SLC22A8: variants seen among roughly 807,000 people sequenced by gnomAD.
The protein encoded by SLC22A8 is organic anion transporter 3.
SLC22A8 carries 40 observed loss-of-function variants against 48.4 expected under a neutral mutation model. The observed-to-expected ratio is 0.83, with a 90% CI of 0.64 to 1.08. The LOEUF is 1.08. Among genes scored for constraint, SLC22A8 ranks in the 50% least tolerant of loss-of-function variants. The pLI is 0.00. For missense variants in SLC22A8, 606 were observed against 699.0 expected, an observed-to-expected ratio of 0.87 and a Z score of 1.50; for synonymous variants, 268 against 286.3, an observed-to-expected ratio of 0.94 and a Z score of 0.65.
intron 7 of SLC22A8, 127 bp downstream of exon 7, chr11:62,995,577 G>T: frequency 1.5e-6 from 1 of 687,528 alleles, no homozygotes; most frequent in Non-Finnish European, 2.6e-6. Context: ...GGGCTGTGGT[G>T]GCCCAGGAGA....
intron 2 of SLC22A8, among the ~76,000 whole-genome samples, chr11:63,001,654 C>T (rs1195276519): frequency 6.6e-6 from 1 of 152,180 alleles, no homozygotes; most frequent in Non-Finnish European, 1.5e-5. Flanking sequence ...CAGGGCTCTT[C>T]CTGAATCCTC....
At chr11:63,009,125 G>A (rs555338739) in intron 2 of SLC22A8, among the ~76,000 whole-genome samples, 15 of 152,166 alleles carry the variant, frequency 9.9e-5, no homozygotes, top group Non-Finnish European at 1.5e-4. Context: ...GGAAAGAGAT[G>A]GAGGAGGATG....
rs2086406673 is a variant in SLC22A8 at position 62,995,592 on chromosome 11, A to G, written c.1001+112T>C. 6.6e-6 allele frequency: 5 copies of G among 752,092 alleles called. No individual in the cohort carries two copies. The East Asian group carries it at 7.5e-5, about 11-fold the overall frequency. The allele number at this position is 752,092 out of a possible 1,614,324, so 46.6% of individuals were successfully genotyped here. A position where few individuals can be genotyped will look rare whatever the true frequency, so the allele number is the denominator to read the frequency against. On this transcript the variant is annotated intron_variant, in intron 7 of 10. Transcript: ENST00000336232. ...GGGCTGTGGTGGCCCAGGAGAGGGGATTCTCTGACTTCTCTTTCAGATGCC... is the reference window on the plus strand; with the variant it reads ...GGGCTGTGGTGGCCCAGGAGAGGGGGTTCTCTGACTTCTCTTTCAGATGCC...
Position 62,994,611 on chromosome 11 carries a change from G to A in SLC22A8, c.1147C>T (p.His383Tyr). ...AGCAGGGCAGCGGCCTGAGTGGTAT[G>A]CCGGCCCAGGTAGCTTAAGGAGAGG... ...TILSLSYLGR[H>Y]TTQAAALLLA... Residue 383 changes from histidine to tyrosine, a missense_variant, in exon 8 of 11, where the codon CAT (histidine) becomes TAT (tyrosine). Transcript: ENST00000336232. 5.6e-6 allele frequency: 9 copies of A among 1,614,106 alleles called. No individual in the cohort carries two copies. The highest frequency in any genetic ancestry group is 7.6e-6 in the Non-Finnish European group (9 of 1,179,996).
At position 62,999,838 on chromosome 11, in the gene SLC22A8, C is replaced by T; in HGVS notation, c.442G>A (p.Gly148Ser). 1 of 1,551,134 alleles carries T rather than the reference C, an allele frequency of 6.4e-7. No individual in the cohort carries two copies. The highest frequency in any genetic ancestry group is 8.7e-7 in the Non-Finnish European group (1 of 1,146,992). Residue 148 changes from glycine (G) to serine (S), a missense_variant, in exon 4 of 11, where the codon GGC becomes AGC. Coordinates refer to ENST00000336232, the MANE Select transcript of SLC22A8 (RefSeq NM_004254.4). ...LVLGDLSDRF[G>S]RRPILTCSYL... is the part of the protein sequence containing the mutation. ...CTGCAGGTCAGGATGGGCCTGCGGC[C>T]AAACCTGTAGCTCGAAGGAGAGGAG...
At chr11:62,995,161 T>C (rs2086400367) in intron 7 of SLC22A8, 1 of 297,326 alleles carries the variant, frequency 3.4e-6, no homozygotes, top group Non-Finnish European at 6.5e-6. Flanking sequence ...CTCTCTGAAC[T>C]GTGGGATCCC....
In SLC22A8 at chr11:63,014,990, G is replaced by T; in HGVS notation, c.-25-7C>A. ...GGGGCAAGACGAGCCAGAGCTGTGGGCAGGGCATAGGCCAGGGAGAGGTAT... is the reference window on the plus strand; with the variant it reads ...GGGGCAAGACGAGCCAGAGCTGTGGTCAGGGCATAGGCCAGGGAGAGGTAT... On this transcript the variant is annotated splice_region_variant and splice_polypyrimidine_tract_variant and intron_variant, in intron 1 of 10. Coordinates refer to ENST00000336232, the MANE Select transcript of SLC22A8 (RefSeq NM_004254.4). The T allele has an allele frequency of 6.6e-7, 1 of 1,517,942 alleles. No individual in the cohort carries two copies. The highest frequency in any genetic ancestry group is 8.9e-7 in the Non-Finnish European group (1 of 1,125,884). The allele number at this position is 1,517,942 out of a possible 1,614,324, so 94.0% of individuals were successfully genotyped here.
At chr11:63,006,894 A>G (rs1322165345) in intron 2 of SLC22A8, among the ~76,000 whole-genome samples, 1 of 151,854 alleles carries the variant, frequency 6.6e-6, no homozygotes, top group African/African-American at 2.4e-5. Flanking sequence ...GGCGTGAGCC[A>G]CCGCGCCCAG....
Position 63,011,126 on chromosome 11 carries a change from C to T in SLC22A8, c.333+3500G>A, listed in dbSNP as rs150067915. On this transcript the variant is annotated intron_variant, in intron 2 of 10. Coordinates refer to ENST00000336232, the MANE Select transcript of SLC22A8 (RefSeq NM_004254.4). Reference sequence around the variant, plus strand: ...GCAGCAGGGTGCACAGTCAGCCTCACGGATTGTGGGTTGGGGGTTGTGCAT... The same window carrying T: ...GCAGCAGGGTGCACAGTCAGCCTCATGGATTGTGGGTTGGGGGTTGTGCAT... 4.1e-3 allele frequency among the ~76,000 whole-genome samples: 621 copies of T among 152,296 alleles called. 6 individuals carry two copies. Among genetic ancestry groups the T allele is most frequent in the African/African-American group, 0.014 (599 of 41,578 alleles).
At chr11:63,001,530 C>G (rs1380115441) in intron 2 of SLC22A8, among the ~76,000 whole-genome samples, 1 of 152,194 alleles carries the variant, frequency 6.6e-6, no homozygotes, top group South Asian at 2.1e-4. Flanking sequence ...GCCTGGCTTG[C>G]CCTCTGGCAG....
At position 62,994,762 on chromosome 11, in the gene SLC22A8, A is replaced by G; in HGVS notation, c.1002-6T>C. 6.2e-7 allele frequency: 1 copy of G among 1,613,128 alleles called. No homozygotes were observed. Among genetic ancestry groups the G allele is most frequent in the Non-Finnish European group, 8.5e-7 (1 of 1,179,060 alleles). On this transcript the variant is annotated splice_polypyrimidine_tract_variant and splice_region_variant and intron_variant, in intron 7 of 10. Transcript: ENST00000336232. ...AGGCAAAACCGGTAGCAAACCTGAG[A>G]GGCAGAGAAGGATTGGTTAGCACCT...
At chr11:63,004,699 G>A (rs1399496001) in intron 2 of SLC22A8, among the ~76,000 whole-genome samples, 2 of 152,156 alleles carry the variant, frequency 1.3e-5, no homozygotes, top group Non-Finnish European at 2.9e-5. Flanking sequence ...TCTCTCCCAA[G>A]AATATCAGCC....
rs11568494 is a variant in SLC22A8 at position 63,014,908 on chromosome 11, C to T, written c.51G>A (p.Gln17=). The T allele has an allele frequency of 1.9e-6, 3 of 1,584,410 alleles. No individual in the cohort carries two copies. In the East Asian group the frequency reaches 6.7e-5, roughly 36 times the overall value. The change falls in exon 2 of 11, where the codon CAG becomes CAA. Residue 17 remains glutamine (Q), a synonymous_variant. Coordinates refer to ENST00000336232, the MANE Select transcript of SLC22A8 (RefSeq NM_004254.4). The part of the protein sequence containing the change: ...LDRVGSMGHF[Q]FLHVAILGLP... ...GGCCCAGTATGGCTACATGCAGGAA[C>T]TGGAAATGGCCCATGCTTCCCACAC... is the stretch of plus-strand genomic sequence containing the variant.
intron 8 of SLC22A8, chr11:62,994,113 T>C: frequency 1.7e-6 from 1 of 572,440 alleles, no homozygotes; most frequent in Non-Finnish European, 3.1e-6. Context: ...TGTCTTAAAA[T>C]ACCTCAAGTT....
rs1199150123 is a variant in SLC22A8 at position 62,995,438 on chromosome 11, T to A, written c.1001+266A>T. The A allele has an allele frequency of 7.7e-6, 4 of 519,540 alleles. No individual in the cohort carries two copies. The Admixed American group carries it at 1.4e-4, about 18-fold the overall frequency. The allele number at this position is 519,540 out of a possible 1,614,324, so 32.2% of individuals were successfully genotyped here. On this transcript the variant is annotated intron_variant, in intron 7 of 10. Coordinates refer to ENST00000336232, the MANE Select transcript of SLC22A8 (RefSeq NM_004254.4). ...GACACTGAGCGGCAGGGATGTGAGC[T>A]GGGGAAGGGGCCTGGAACATTTGTC...
At position 63,000,764 on chromosome 11, in the gene SLC22A8, T is replaced by C; in HGVS notation, c.393A>G (p.Ala131=). Residue 131 remains alanine, a synonymous_variant, in exon 3 of 11, where the codon GCA becomes GCG. Coordinates refer to ENST00000336232, the MANE Select transcript of SLC22A8 (RefSeq NM_004254.4). ...GCACGAGCCCTCCAATCAGTATACCTGCCATGAAGATAGACTGGGCCATCT... is the reference window on the plus strand; with the variant it reads ...GCACGAGCCCTCCAATCAGTATACCCGCCATGAAGATAGACTGGGCCATCT... ...LKEMAQSIFM[A]GILIGGLVLG... The C allele has an allele frequency of 6.2e-6, 10 of 1,614,072 alleles. No homozygotes were observed. Among genetic ancestry groups the C allele is most frequent in the Non-Finnish European group, 7.6e-6 (9 of 1,179,936 alleles).
At chr11:63,002,792 G>C (rs2086512084) in intron 2 of SLC22A8, among the ~76,000 whole-genome samples, 1 of 152,104 alleles carries the variant, frequency 6.6e-6, no homozygotes, top group South Asian at 2.1e-4. Flanking sequence ...AATGACAACT[G>C]ATATTTATTG....
Position 62,994,562 on chromosome 11 carries a change from G to A in SLC22A8, c.1196C>T (p.Ala399Val). The A allele has an allele frequency of 3.1e-6, 5 of 1,610,502 alleles. No individual in the cohort carries two copies. In the South Asian group the frequency reaches 3.3e-5, roughly 11 times the overall value. ...ALLLAGGAILALTFVPLDLQT... is the reference protein window; with the variant it reads ...ALLLAGGAILVLTFVPLDLQT... ...CTCACCCAAGGGCACAAAGGTGAGA[G>A]CCAAGATGGCCCCTCCTGCCAGGAG... Residue 399 changes from alanine (A) to valine (V), a missense_variant, in exon 8 of 11, where the codon GCT (alanine) becomes GTT (valine). Ala to Val is a moderately conservative substitution (Grantham distance 64). Coordinates refer to ENST00000336232, the MANE Select transcript of SLC22A8 (RefSeq NM_004254.4).
chr11:62,993,056 T>C lies in SLC22A8; in HGVS notation c.*181A>G, dbSNP rs1364161386. The C allele has an allele frequency of 1.2e-5, 7 of 595,476 alleles. No individual in the cohort carries two copies. Among genetic ancestry groups the C allele is most frequent in the Non-Finnish European group, 2.1e-5 (7 of 335,124 alleles). The allele number at this position is 595,476 out of a possible 1,614,324, so 36.9% of individuals were successfully genotyped here. ...CAGGGAGAACAAGGGCAGGGATGGC[T>C]GAACCTTTGAACTGGCCAGGGCTGG... On this transcript the variant is annotated 3_prime_UTR_variant, in exon 11 of 11. Coordinates refer to ENST00000336232, the MANE Select transcript of SLC22A8 (RefSeq NM_004254.4).
Sources: gnomAD v4.1 joint callset for allele counts (sites outside exome capture counted in the v4.1 genomes callset) on GRCh38, gnomAD v4.1.1 for gene constraint, MANE v1.5 for transcripts, NCBI Gene and HGNC (gene_info 2026-07-23, HGNC 2026-07-21) for gene names.